Variants in SPEN observed in about 807,000 individuals in gnomAD.
The protein encoded by SPEN is msx2-interacting protein.
Under a neutral mutation model 269.9 loss-of-function variants are expected in SPEN, and 18 were observed. The ratio of observed to expected loss-of-function variants is 0.07; its 90% confidence interval spans 0.05 to 0.10. The LOEUF is 0.10. Ranked by LOEUF, SPEN falls within the 10% of genes least tolerant of loss-of-function variation. The probability of loss-of-function intolerance (pLI) is 1.00; values close to 1 mark genes in which losing one functional copy is unlikely to be tolerated. For missense variants in SPEN, 3,822 were observed against 4,631.2 expected (o/e 0.83, Z 5.07); for synonymous variants, 1,726 against 1,765.7 (o/e 0.98, Z 0.56).
rs757759982 is a variant in SPEN at position 15,872,863 on chromosome 1, A to C, written c.131A>C (p.Glu44Ala). 1.3e-6 allele frequency: 2 copies of C among 1,536,822 alleles called. No individual in the cohort carries two copies. Among genetic ancestry groups the C allele is most frequent in the African/African-American group, 2.7e-5 (2 of 73,648 alleles). The change falls in exon 2 of 15, where the codon GAA (glutamate) becomes GCA (alanine). Residue 44 changes from glutamate (E) to alanine (A), a missense_variant. By Grantham distance (107) the Glu-to-Ala change is moderately radical. Coordinates refer to ENST00000375759, the MANE Select transcript of SPEN (RefSeq NM_015001.3). ...SVKILPKRGSEGGVAAFVDFV... is the reference protein window; with the variant it reads ...SVKILPKRGSAGGVAAFVDFV... ...AAAATTCTTCCCAAGAGGGGATCTG[A>C]AGGAGGAGTGGCTGCCTTTGTGGAT...
intron 10 of SPEN, among the ~76,000 whole-genome samples, chr1:15,925,994 G>A (rs2071162363): frequency 6.6e-6 from 1 of 152,170 alleles, no homozygotes; most frequent in African/African-American, 2.4e-5. Context: ...TTTAGACAAG[G>A]AATCTGATTT....
intron 3 of SPEN, among the ~76,000 whole-genome samples, chr1:15,905,995 C>T (rs1042945317): frequency 1.1e-4 from 16 of 152,218 alleles, no homozygotes; most frequent in African/African-American, 3.9e-4. Context: ...AAAATATTTT[C>T]CTTAATGTTT....
At position 15,928,449 on chromosome 1, in the gene SPEN, C is replaced by T. The variant is rs747509416; in HGVS notation, c.2209C>T (p.Pro737Ser). The T allele has an allele frequency of 6.2e-7, 1 of 1,614,140 alleles. No individual in the cohort carries two copies. The highest frequency in any genetic ancestry group is 8.5e-7 in the Non-Finnish European group (1 of 1,180,024). ...TGTTCACTTGCGACGTCCACAGAGT[C>T]CTGGAGCGTCTCCCTCTCAGGCAGA... ...SPVHLRRPQS[P>S]GASPSQAERL... The change falls in exon 11 of 15, where the codon CCT (proline) becomes TCT (serine). Residue 737 changes from proline (P) to serine (S), a missense_variant. Coordinates refer to ENST00000375759, the MANE Select transcript of SPEN (RefSeq NM_015001.3). This position sits in a 1 kb window ranked among gnomAD's most constrained non-coding sequence, Gnocchi z 5.7.
Position 15,933,828 on chromosome 1 carries a change from A to G in SPEN, c.7588A>G (p.Ser2530Gly), listed in dbSNP as rs61756186. 71 of 1,613,188 alleles carry G rather than the reference A, an allele frequency of 4.4e-5. No individual in the cohort carries two copies. Among genetic ancestry groups the G allele is most frequent in the Non-Finnish European group, 5.8e-5 (69 of 1,180,024 alleles). The change falls in exon 11 of 15, where the codon AGC becomes GGC. Residue 2530 changes from serine to glycine, a missense_variant. Ser to Gly is a moderately conservative substitution (Grantham distance 56). Coordinates refer to ENST00000375759, the MANE Select transcript of SPEN (RefSeq NM_015001.3). The surrounding 1 kb of genome is among the most constrained non-coding windows in gnomAD (Gnocchi z 5.7). Reference protein sequence around the residue: ...PDTKASDVDTSSSTLRKILMD... With the variant: ...PDTKASDVDTGSSTLRKILMD... Reference sequence around the variant, plus strand: ...CACAAAGGCCTCTGATGTTGACACCAGCTCCAGCACCCTGAGGAAGATTCT... The same window carrying G: ...CACAAAGGCCTCTGATGTTGACACCGGCTCCAGCACCCTGAGGAAGATTCT...
At chr1:15,921,848 C>T (rs2071122716) in intron 9 of SPEN, among the ~76,000 whole-genome samples, 3 of 152,180 alleles carry the variant, frequency 2.0e-5, no homozygotes, top group Non-Finnish European at 2.9e-5. Flanking sequence ...TGATGAGCAT[C>T]ATATGCTTTA....
At chr1:15,918,661 A>G (rs1344537118) in intron 6 of SPEN, among the ~76,000 whole-genome samples, 1 of 152,148 alleles carries the variant, frequency 6.6e-6, no homozygotes, top group East Asian at 1.9e-4. Context: ...ATGGATTTTA[A>G]ATTTTGAATT....
rs1421240241 is a variant in SPEN at position 15,930,867 on chromosome 1, T to C, written c.4627T>C (p.Leu1543=). ...AATCTTTGAACAAGATTCCAAGCGA[T>C]TGCAGCATCTAGAGAGAAAAGAGGA... is the stretch of plus-strand genomic sequence containing the variant. ...SSIFEQDSKR[L]QHLERKEEDS... is the part of the protein sequence containing the mutation. The change falls in exon 11 of 15, where the codon TTG becomes CTG. Residue 1543 remains leucine, a synonymous_variant. Coordinates refer to ENST00000375759, the MANE Select transcript of SPEN (RefSeq NM_015001.3). The surrounding 1 kb of genome is among the most constrained non-coding windows in gnomAD (Gnocchi z 5.3). 3 of 1,614,020 alleles carry C rather than the reference T, an allele frequency of 1.9e-6. No homozygotes were observed. The highest frequency in any genetic ancestry group is 2.2e-5 in the South Asian group (2 of 91,088).
At chr1:15,873,941 C>T (rs538292880) in intron 2 of SPEN, 15 of 1,172,212 alleles carry the variant, frequency 1.3e-5, no homozygotes, top group Non-Finnish European at 1.3e-5. Context: ...GGTACTTTAG[C>T]TTTGAACACA....
rs368635957 is a variant in SPEN at position 15,928,885 on chromosome 1, G to A, written c.2645G>A (p.Arg882Gln). 11 of 1,614,042 alleles carry A rather than the reference G, an allele frequency of 6.8e-6. No individual in the cohort carries two copies. The South Asian group carries it at 7.7e-5, about 11-fold the overall frequency. Residue 882 changes from arginine (R) to glutamine (Q), a missense_variant, in exon 11 of 15, where the codon CGA becomes CAA. By Grantham distance (43) the Arg-to-Gln change is conservative. This residue lies in a region of SPEN where 572 missense variants were observed against 582.6 expected (regional missense o/e 0.98). Coordinates refer to ENST00000375759, the MANE Select transcript of SPEN (RefSeq NM_015001.3). This position sits in a 1 kb window ranked among gnomAD's most constrained non-coding sequence, Gnocchi z 5.7. ...LELMPCVVLTRVKEKEGKVID... is the reference protein window; with the variant it reads ...LELMPCVVLTQVKEKEGKVID... ...CTCATGCCTTGCGTGGTTTTGACTC[G>A]AGTGAAAGAGAAAGAGGGAAAGGTC...
At position 15,855,990 on chromosome 1, in the gene SPEN, C is replaced by CCTTTTTTTTTTTTTTTT. The variant is rs370972899; in HGVS notation, c.83+7840_83+7841insCTTTTTTTTTTTTTTTT. On this transcript the variant is annotated intron_variant, in intron 1 of 14. Transcript: ENST00000375759. ...TTATTGTGTGAAAAGGATGCTAGAA[C>CCTTTTTTTTTTTTTTTT]TTTTTTTTTTTTTTTTTTTTGAGAC... Among the ~76,000 whole-genome samples, 7 of 28,220 alleles carry CCTTTTTTTTTTTTTTTT rather than the reference C, an allele frequency of 2.5e-4. 3 individuals carry two copies. Among genetic ancestry groups the CCTTTTTTTTTTTTTTTT allele is most frequent in the African/African-American group, 3.1e-4 (3 of 9,682 alleles). 18.5% of individuals were successfully genotyped at this position (28,220 alleles called of 152,430 possible).
intron 10 of SPEN, among the ~76,000 whole-genome samples, chr1:15,926,346 C>T (rs896295427): frequency 1.1e-4 from 17 of 151,102 alleles, no homozygotes; most frequent in Admixed American, 8.0e-4. Context: ...AGCAGTGAGC[C>T]GAGATTGTGC....
chr1:15,933,777 A>C lies in SPEN; in HGVS notation c.7537A>C (p.Thr2513Pro). ...GCAGGAGGAGCCACGGGCTCAGTCT[A>C]CTCCATCTCCAGCTCTTCCCCCAGA... Reference protein sequence around the residue: ...TRQEEPRAQSTPSPALPPDTK... With the variant: ...TRQEEPRAQSPPSPALPPDTK... The change falls in exon 11 of 15, where the codon ACT (threonine) becomes CCT (proline). Residue 2513 changes from threonine to proline, a missense_variant. Transcript: ENST00000375759. This position sits in a 1 kb window ranked among gnomAD's most constrained non-coding sequence, Gnocchi z 5.7. 1 of 1,613,520 alleles carries C rather than the reference A, an allele frequency of 6.2e-7. No homozygotes were observed. The highest frequency in any genetic ancestry group is 8.5e-7 in the Non-Finnish European group (1 of 1,179,958).
chr1:15,873,223 T>C, intron 2 of SPEN, 87 bp downstream of exon 2: 1 of 1,459,294 alleles, frequency 6.9e-7, no homozygotes, highest in Non-Finnish European at 9.1e-7. Context: ...CAGATGGATT[T>C]AAAGTTTTGG....
At position 15,933,698 on chromosome 1, in the gene SPEN, T is replaced by G. The variant is rs1321669133; in HGVS notation, c.7458T>G (p.Ser2486=). The G allele has an allele frequency of 1.9e-6, 3 of 1,614,110 alleles. No homozygotes were observed. Among genetic ancestry groups the G allele is most frequent in the Non-Finnish European group, 2.5e-6 (3 of 1,180,000 alleles). The change falls in exon 11 of 15, where the codon TCT becomes TCG. Residue 2486 remains serine (S), a synonymous_variant. Coordinates refer to ENST00000375759, the MANE Select transcript of SPEN (RefSeq NM_015001.3). This position sits in a 1 kb window ranked among gnomAD's most constrained non-coding sequence, Gnocchi z 5.7. The part of the protein sequence containing the change: ...TAAKLSPPVA[S]GGIPHQSPPT... ...CAAAGCTCTCACCTCCTGTCGCCTC[T>G]GGGGGGATCCCACACCAGAGCCCCC...
rs35841965 is a variant in SPEN, at chr1:15,894,533, G to GTTTTTTTTTTTTT, written c.882-14786_882-14785insTTTTTTTTTTTTT. Among the ~76,000 whole-genome samples, 44 of 136,002 alleles carry GTTTTTTTTTTTTT rather than the reference G, an allele frequency of 3.2e-4. 6 individuals are homozygous for GTTTTTTTTTTTTT. Among genetic ancestry groups the GTTTTTTTTTTTTT allele is most frequent in the African/African-American group, 1.2e-3 (42 of 33,678 alleles). The allele number at this position is 136,002 out of a possible 152,430, so 89.2% of individuals were successfully genotyped here. A position where few individuals can be genotyped will look rare whatever the true frequency, so the allele number is the denominator to read the frequency against. Reference sequence around the variant, plus strand: ...TAGATCCTAAAACTACCATATTATGGTTGTTTTTTTTTTTTTTTTTTTTTT... The same window carrying GTTTTTTTTTTTTT: ...TAGATCCTAAAACTACCATATTATGGTTTTTTTTTTTTTTTGTTTTTTTTTTTTTTTTTTTTTT... On this transcript the variant is annotated intron_variant, in intron 3 of 14. Coordinates refer to ENST00000375759, the MANE Select transcript of SPEN (RefSeq NM_015001.3).
chr1:15,863,864 A>G (rs1440414105), intron 1 of SPEN, among the ~76,000 whole-genome samples: 2 of 152,142 alleles, frequency 1.3e-5, no homozygotes. Flanking sequence ...CAAAAAAACT[A>G]ATCTATTATG....
intron 10 of SPEN, among the ~76,000 whole-genome samples, chr1:15,923,657 C>T (rs1019390589): frequency 1.3e-5 from 2 of 149,018 alleles, no homozygotes; most frequent in African/African-American, 2.5e-5. Context: ...GTACAACAGT[C>T]GTTGAATACT....
At chr1:15,885,973 C>T (rs1237522670) in intron 3 of SPEN, among the ~76,000 whole-genome samples, 1 of 152,054 alleles carries the variant, frequency 6.6e-6, no homozygotes, top group Non-Finnish European at 1.5e-5. Context: ...GCCAACCAAG[C>T]CTTTTTTGTG....
At position 15,928,717 on chromosome 1, in the gene SPEN, G is replaced by A. The variant is rs1483697175; in HGVS notation, c.2477G>A (p.Gly826Glu). 1.2e-6 allele frequency: 2 copies of A among 1,614,038 alleles called. No individual in the cohort carries two copies. The highest frequency in any genetic ancestry group is 8.5e-7 in the Non-Finnish European group (1 of 1,180,038). Reference protein sequence around the residue: ...KDKTDKQKRKGKVHSPSSQSS... With the variant: ...KDKTDKQKRKEKVHSPSSQSS... ...AAAACTGACAAGCAGAAACGCAAAGGAAAGGTTCACTCCCCTAGTTCTCAG... is the reference window on the plus strand; with the variant it reads ...AAAACTGACAAGCAGAAACGCAAAGAAAAGGTTCACTCCCCTAGTTCTCAG... Residue 826 changes from glycine (G) to glutamate (E), a missense_variant, in exon 11 of 15, where the codon GGA becomes GAA. Gly to Glu is a moderately conservative substitution (Grantham distance 98, BLOSUM62 -2). Transcript: ENST00000375759. The surrounding 1 kb of genome is among the most constrained non-coding windows in gnomAD (Gnocchi z 5.7).
Sources: gnomAD v4.1 joint callset for allele counts (sites outside exome capture counted in the v4.1 genomes callset) on GRCh38, gnomAD v4.1.1 for gene constraint, gnomAD v4.1.1 regional missense constraint, Gnocchi (gnomAD v3.1) non-coding constraint, MANE v1.5 for transcripts, NCBI Gene and HGNC (gene_info 2026-07-23, HGNC 2026-07-21) for gene names.